The following PLCXD1 variants were observed in gnomAD, a reference collection of about 807,000 sequenced individuals.
PLCXD1 encodes PI-PLC X domain-containing protein 1.
PLCXD1 carries 45 observed loss-of-function variants against 37.8 expected under a neutral mutation model. The ratio of observed to expected loss-of-function variants is 1.19; its 90% CI spans 0.94 to 1.53. The LOEUF (loss-of-function observed/expected upper bound fraction) is 1.53. Ranked by LOEUF, PLCXD1 falls within the 40% of genes most tolerant of loss-of-function variation. The pLI, the probability that PLCXD1 is intolerant of heterozygous loss-of-function variation, is 0.00. For missense variants in PLCXD1, 539 were observed against 454.7 expected (o/e 1.19, Z -1.69); for synonymous variants, 246 against 206.9 (o/e 1.19, Z -1.62).
chrX:298,952 C>T, intron 6 of PLCXD1, 145 bp from the exon 7 acceptor site: 1 of 686,768 alleles, frequency 1.5e-6, no homozygotes, highest in East Asian at 2.7e-5. Flanking sequence ...GCTTTATAAG[C>T]AAAGCTCACC....
Position 300,694 on chromosome X carries a change from ATATATATATATGTG to A in PLCXD1, c.*1371_*1384del, listed in dbSNP as rs1422105611. 1 of 149,652 alleles carries A rather than the reference ATATATATATATGTG, an allele frequency of 6.7e-6. No individual in the cohort carries two copies. Among genetic ancestry groups the A allele is most frequent in the Non-Finnish European group, 1.5e-5 (1 of 67,744 alleles). The allele number at this position is 149,652 out of a possible 1,614,324, so 9.3% of individuals were successfully genotyped here. On this transcript the variant is annotated 3_prime_UTR_variant, in exon 7 of 7. Transcript: ENST00000381657. ...CATATATACGTGCGTGTGTATGTGT[ATATATATATATGTG>A]TATATATATATTTTTTGAGGAGTCT...
rs183702901 is a variant in PLCXD1, at chrX:284,740, G to A, written c.127+426G>A. On this transcript the variant is annotated intron_variant, in intron 2 of 6. Transcript: ENST00000381657. ...TCACGCTGCTAACAAAGACATACCC[G>A]AGACTGGGTAATTTATAAAAGAGGT... Among the ~76,000 whole-genome samples, 1,066 of 149,964 alleles carry A rather than the reference G, an allele frequency of 7.1e-3. 8 individuals are homozygous for A. Among genetic ancestry groups the A allele is most frequent in the African/African-American group, 0.025 (1,009 of 40,822 alleles).
intron 6 of PLCXD1, among the ~76,000 whole-genome samples, chrX:297,701 C>A (rs1239081746): frequency 6.5e-5 from 3 of 45,930 alleles, no homozygotes; most frequent in African/African-American, 4.0e-4. Flanking sequence ...TCTTTGGGGA[C>A]ATTATTCTGT....
intron 2 of PLCXD1, among the ~76,000 whole-genome samples, chrX:287,025 G>A (rs1040335970): frequency 6.6e-6 from 1 of 151,880 alleles, no homozygotes; most frequent in Admixed American, 6.6e-5. Context: ...CGTTCCTCAG[G>A]GGATTTAAAG....
intron 6 of PLCXD1, among the ~76,000 whole-genome samples, chrX:293,588 T>C (rs2069708261): frequency 6.6e-6 from 1 of 152,166 alleles, no homozygotes; most frequent in Admixed American, 6.5e-5. Context: ...GATGAAACCC[T>C]GTCTCTACTT....
intron 2 of PLCXD1, among the ~76,000 whole-genome samples, chrX:287,794 A>G (rs1405955350): frequency 6.6e-6 from 1 of 150,978 alleles, no homozygotes; most frequent in Non-Finnish European, 1.5e-5. Flanking sequence ...AGAAATAACA[A>G]CTACGTGTCA....
intron 6 of PLCXD1, among the ~76,000 whole-genome samples, chrX:296,559 A>G (rs1470484064): frequency 6.6e-6 from 1 of 152,196 alleles, no homozygotes; most frequent in Non-Finnish European, 1.5e-5. Flanking sequence ...TTCTTCAAAT[A>G]TGGCTTGCAG....
chrX:279,775 G>GGA (rs757116573), upstream of PLCXD1, among the ~76,000 whole-genome samples: 14,050 of 140,284 alleles, frequency 0.1, 879 homozygotes, highest in African/African-American at 0.19. Flanking sequence ...CCCTGTCTCT[G>GGA]AAAAAAAAAA....
In PLCXD1 at chrX:299,979, G is replaced by A. The variant is rs1391089757; in HGVS notation, c.*644G>A. On this transcript the variant is annotated 3_prime_UTR_variant, in exon 7 of 7. Transcript: ENST00000381657. ...GAGGCAGGAGAATGGCGTGAACCCGGGAGGTGGAGGTTGCATTGAGCTGAG... is the reference window on the plus strand; with the variant it reads ...GAGGCAGGAGAATGGCGTGAACCCGAGAGGTGGAGGTTGCATTGAGCTGAG... The A allele has an allele frequency of 6.6e-6, 1 of 152,094 alleles. No individual in the cohort carries two copies. Among genetic ancestry groups the A allele is most frequent in the Non-Finnish European group, 1.5e-5 (1 of 68,464 alleles). The allele number at this position is 152,094 out of a possible 1,614,324, so 9.4% of individuals were successfully genotyped here. A position where few individuals can be genotyped will look rare whatever the true frequency, so the allele number is the denominator to read the frequency against.
In PLCXD1 at chrX:302,219, G is replaced by C. The variant is rs2070036722; in HGVS notation, c.*2884G>C. The C allele has an allele frequency of 6.6e-6, 1 of 150,876 alleles. No individual in the cohort carries two copies. The highest frequency in any genetic ancestry group is 1.5e-5 in the Non-Finnish European group (1 of 67,970). 9.3% of individuals were successfully genotyped at this position (150,876 alleles called of 1,614,324 possible). On this transcript the variant is annotated 3_prime_UTR_variant, in exon 7 of 7. Coordinates refer to ENST00000381657, the MANE Select transcript of PLCXD1 (RefSeq NM_018390.4). Reference sequence around the variant, plus strand: ...AATTTCTTCTTTCAGTGGCCTCTCTGTGCTAGTCCCGGTCACCTCCGTGAA... The same window carrying C: ...AATTTCTTCTTTCAGTGGCCTCTCTCTGCTAGTCCCGGTCACCTCCGTGAA...
At chrX:296,583 A>C (rs1160377294) in intron 6 of PLCXD1, among the ~76,000 whole-genome samples, 3 of 152,206 alleles carry the variant, frequency 2.0e-5, no homozygotes, top group African/African-American at 7.2e-5. Flanking sequence ...ATTCCGGCTC[A>C]GCAGATGTAG....
At chrX:277,138 C>T (rs1265216704), upstream of PLCXD1, among the ~76,000 whole-genome samples, 1 of 152,120 alleles carries the variant, frequency 6.6e-6, no homozygotes, top group African/African-American at 2.4e-5. Context: ...GGAGTGGGGG[C>T]CGCCCCCGGG....
intron 5 of PLCXD1, among the ~76,000 whole-genome samples, chrX:292,364 CAGG>C (rs1363110080): frequency 6.6e-6 from 1 of 152,002 alleles, no homozygotes; most frequent in Non-Finnish European, 1.5e-5. Context: ...GAGGCTGAGG[CAGG>C]AGAATGGTGT....
intron 1 of PLCXD1, among the ~76,000 whole-genome samples, chrX:282,520 G>T (rs2069302567): frequency 6.6e-6 from 1 of 151,042 alleles, no homozygotes; most frequent in Non-Finnish European, 1.5e-5. Context: ...GCCTGACCAA[G>T]ATAGTGAAAC....
chrX:277,934 CA>C (rs1221300448), upstream of PLCXD1, among the ~76,000 whole-genome samples: 1 of 32,590 alleles, frequency 3.1e-5, no homozygotes, highest in African/African-American at 1.5e-4. Context: ...GGGGAGGGGT[CA>C]GGGGGAACGT....
In PLCXD1 at chrX:282,986, ATAT is replaced by A. The variant is rs1159596396; in HGVS notation, c.-21-1177_-21-1175del. On this transcript the variant is annotated intron_variant, in intron 1 of 6. Coordinates refer to ENST00000381657, the MANE Select transcript of PLCXD1 (RefSeq NM_018390.4). ...TATGTATATATTATATGTATAATAT[ATAT>A]TATATGTATATATTATATATGTTAT... Among the ~76,000 whole-genome samples, 38 of 146,364 alleles carry A rather than the reference ATAT, an allele frequency of 2.6e-4. 1 individual carries two copies. Among genetic ancestry groups the A allele is most frequent in the Admixed American group, 1.5e-3 (21 of 14,354 alleles).
At chrX:295,910 G>A (rs1402668439) in intron 6 of PLCXD1, among the ~76,000 whole-genome samples, 1 of 151,882 alleles carries the variant, frequency 6.6e-6, no homozygotes, top group Non-Finnish European at 1.5e-5. Flanking sequence ...GCGCAATCTT[G>A]GCTCACTGCA....
intron 2 of PLCXD1, among the ~76,000 whole-genome samples, chrX:286,360 C>T (rs778938341): frequency 6.6e-6 from 1 of 152,044 alleles, no homozygotes; most frequent in Non-Finnish European, 1.5e-5. Context: ...CTATTGCACC[C>T]GACATCTTAG....
intron 3 of PLCXD1, among the ~76,000 whole-genome samples, chrX:289,495 CCTTTCTTTTT>C (rs1414078087): frequency 3.4e-5 from 5 of 147,046 alleles, no homozygotes; most frequent in African/African-American, 1.0e-4. Context: ...AGAGACAACA[CCTTTCTTTTT>C]CTTTCTTTTT....
Sources: gnomAD v4.1 joint callset for allele counts (sites outside exome capture counted in the v4.1 genomes callset) on GRCh38, gnomAD v4.1.1 for gene constraint, MANE v1.5 for transcripts, NCBI Gene and HGNC (gene_info 2026-07-23, HGNC 2026-07-21) for gene names.